CPNE4: variants seen among roughly 807,000 people sequenced by gnomAD.
CPNE4 encodes copine 4.
CPNE4 carries 25 observed loss-of-function variants against 67.9 expected under a neutral mutation model. The ratio of observed to expected loss-of-function variants is 0.37; its 90% confidence interval spans 0.27 to 0.51. The LOEUF is 0.51. Among genes scored for constraint, CPNE4 ranks in the 20% least tolerant of loss-of-function variants. The pLI is 0.93. For missense variants in CPNE4, 464 were observed against 690.8 expected, an observed-to-expected ratio of 0.67 and a Z score of 3.68; for synonymous variants, 242 against 244.9, an observed-to-expected ratio of 0.99 and a Z score of 0.11.
intron 2 of CPNE4, among the ~76,000 whole-genome samples, chr3:131,810,988 A>C (rs1000963200): frequency 6.6e-6 from 1 of 152,108 alleles, no homozygotes; most frequent in Non-Finnish European, 1.5e-5. Flanking sequence ...AGTCAAACTC[A>C]TAGAGCAGAG....
intron 1 of CPNE4, among the ~76,000 whole-genome samples, chr3:132,014,303 C>G (rs2073842356): frequency 4.6e-5 from 7 of 152,204 alleles, no homozygotes; most frequent in Admixed American, 2.0e-4. Flanking sequence ...GACCCCTGGG[C>G]CAGCCTACTC....
chr3:131,773,501 C>T (rs2083220060), intron 2 of CPNE4, among the ~76,000 whole-genome samples: 4 of 152,036 alleles, frequency 2.6e-5, no homozygotes. Context: ...GTGTGTGCCA[C>T]CATGCCCGGC....
intron 2 of CPNE4, among the ~76,000 whole-genome samples, chr3:131,810,286 TTGTC>T (rs1319368555): frequency 2.6e-5 from 4 of 152,086 alleles, no homozygotes; most frequent in African/African-American, 7.2e-5. Flanking sequence ...GAGAATATTT[TTGTC>T]TGTCATATAT....
intron 3 of CPNE4, among the ~76,000 whole-genome samples, chr3:131,720,432 G>A (rs991298465): frequency 6.6e-6 from 1 of 151,748 alleles, no homozygotes; most frequent in African/African-American, 2.4e-5. Context: ...CTACAGGCAT[G>A]CACCACCACG....
At chr3:131,857,044 T>G (rs1371541590) in intron 2 of CPNE4, among the ~76,000 whole-genome samples, 1 of 152,080 alleles carries the variant, frequency 6.6e-6, no homozygotes, top group Non-Finnish European at 1.5e-5. Context: ...ATCCCTGACT[T>G]ACATCATATA....
chr3:131,827,018 T>G (rs2085187024), intron 2 of CPNE4, among the ~76,000 whole-genome samples: 1 of 151,628 alleles, frequency 6.6e-6, no homozygotes, highest in African/African-American at 2.4e-5. Flanking sequence ...CCATCCTGGG[T>G]GACAGTAAGA....
chr3:131,714,710 C>A (rs1394915053), intron 3 of CPNE4, among the ~76,000 whole-genome samples: 1 of 152,158 alleles, frequency 6.6e-6, no homozygotes, highest in African/African-American at 2.4e-5. Context: ...CTCCCTAGAT[C>A]TTTTGAATCA....
intron 1 of CPNE4, among the ~76,000 whole-genome samples, chr3:131,950,590 G>T (rs1560659883): frequency 6.6e-6 from 1 of 152,172 alleles, no homozygotes; most frequent in Admixed American, 6.5e-5. Context: ...GGCTGCAAAA[G>T]CACCATGAAT....
chr3:131,626,910 A>C (rs542953435), intron 7 of CPNE4, among the ~76,000 whole-genome samples: 1 of 152,210 alleles, frequency 6.6e-6, no homozygotes, highest in African/African-American at 2.4e-5. Context: ...AGTTATGCTA[A>C]ATTGCTGGGC....
intron 2 of CPNE4, among the ~76,000 whole-genome samples, chr3:131,886,905 G>A (rs928078549): frequency 1.3e-5 from 2 of 152,194 alleles, no homozygotes; most frequent in Non-Finnish European, 2.9e-5. Context: ...CTCATAGACA[G>A]AAGGGACATG....
At chr3:132,037,129 G>A (rs2074353740), upstream of CPNE4, among the ~76,000 whole-genome samples, 1 of 152,062 alleles carries the variant, frequency 6.6e-6, no homozygotes, top group South Asian at 2.1e-4. Context: ...ATGCTCATAG[G>A]GAAAAAGAAA....
intron 3 of CPNE4, among the ~76,000 whole-genome samples, chr3:131,704,389 T>C (rs1193316468): frequency 6.6e-6 from 1 of 152,176 alleles, no homozygotes; most frequent in East Asian, 1.9e-4. Context: ...ATATCTCGGC[T>C]CTTTTGTCTC....
chr3:131,676,010 G>C (rs1002278005), intron 6 of CPNE4, among the ~76,000 whole-genome samples: 1 of 143,814 alleles, frequency 7.0e-6, no homozygotes, highest in Non-Finnish European at 1.5e-5. Flanking sequence ...CATGAGGCTT[G>C]CAAATATTAT....
chr3:131,621,169 A>C (rs2107759340), intron 7 of CPNE4, among the ~76,000 whole-genome samples: 1 of 152,202 alleles, frequency 6.6e-6, no homozygotes, highest in Middle Eastern at 3.4e-3. Flanking sequence ...TGACTCTGAG[A>C]CCCATGGAGT....
Position 131,762,675 on chromosome 3 carries a change from T to G in CPNE4, c.181-39050A>C, listed in dbSNP as rs146256724. On this transcript the variant is annotated intron_variant, in intron 2 of 15. Transcript: ENST00000429747. ...TCTGAGCAATATTAAGTAAGAATTCTATAACTGCCCCTTGAAATAGAAAGG... is the reference window on the plus strand; with the variant it reads ...TCTGAGCAATATTAAGTAAGAATTCGATAACTGCCCCTTGAAATAGAAAGG... Among the ~76,000 whole-genome samples, 603 of 152,236 alleles carry G rather than the reference T, an allele frequency of 4.0e-3. 6 individuals are homozygous for G. The highest frequency in any genetic ancestry group is 0.014 in the African/African-American group (571 of 41,572).
intron 11 of CPNE4, among the ~76,000 whole-genome samples, chr3:131,556,131 T>C (rs1339158629): frequency 1.3e-5 from 2 of 151,998 alleles, no homozygotes; most frequent in East Asian, 3.9e-4. Flanking sequence ...CCCAGAACTT[T>C]GGGAGGCCGA....
chr3:131,829,515 G>T (rs1325231377), intron 2 of CPNE4, among the ~76,000 whole-genome samples: 1 of 152,138 alleles, frequency 6.6e-6, no homozygotes, highest in Admixed American at 6.5e-5. Context: ...ATGGCCGAAG[G>T]TTAGTAAATA....
At chr3:132,026,104 T>C (rs2074110074) in intron 1 of CPNE4, among the ~76,000 whole-genome samples, 1 of 152,182 alleles carries the variant, frequency 6.6e-6, no homozygotes, top group African/African-American at 2.4e-5. Flanking sequence ...CAAAATATAA[T>C]AAGAATATTT....
At chr3:132,017,107 G>A (rs149044874) in intron 1 of CPNE4, among the ~76,000 whole-genome samples, 1 of 152,302 alleles carries the variant, frequency 6.6e-6, no homozygotes, top group East Asian at 1.9e-4. Flanking sequence ...AGGTAGACCT[G>A]TTGTGAAGGA....
Sources: allele counts gnomAD v4.1 joint callset (sites outside exome capture counted in the v4.1 genomes callset), GRCh38; gene constraint gnomAD v4.1.1; transcripts MANE v1.5; gene names NCBI Gene and HGNC (gene_info 2026-07-23, HGNC 2026-07-21).